AFG2A: variants seen among roughly 807,000 people sequenced by gnomAD.
AFG2A encodes the protein ATPase family gene 2 protein homolog A.
chr4:122,979,934 C>T, the AFG2A span, among the ~76,000 whole-genome samples: 5 of 152,222 alleles, frequency 3.3e-5, no homozygotes, highest in East Asian at 5.8e-4. Flanking sequence ...AACTATATTA[C>T]AATACTAAAA....
the AFG2A span, among the ~76,000 whole-genome samples, chr4:123,151,809 A>G: frequency 3.3e-4 from 50 of 152,214 alleles, no homozygotes; most frequent in African/African-American, 9.9e-4. Context: ...GAATCATTCT[A>G]TAAAGACACA....
At chr4:123,006,702 A>G in the AFG2A span, among the ~76,000 whole-genome samples, 2 of 151,856 alleles carry the variant, frequency 1.3e-5, no homozygotes, top group Non-Finnish European at 2.9e-5. Flanking sequence ...TTTGATTTTT[A>G]TCTTCTTAAA....
the AFG2A span, among the ~76,000 whole-genome samples, chr4:123,194,507 T>C: frequency 6.6e-6 from 1 of 152,340 alleles, no homozygotes; most frequent in East Asian, 1.9e-4. Flanking sequence ...GGGATACTTA[T>C]TAAATTAAGG....
the AFG2A span, among the ~76,000 whole-genome samples, chr4:123,188,172 A>G: frequency 6.6e-6 from 1 of 152,014 alleles, no homozygotes. Flanking sequence ...TTATAATTCT[A>G]TATTTTGTTA....
the AFG2A span, among the ~76,000 whole-genome samples, chr4:123,160,855 A>G: frequency 6.6e-6 from 1 of 152,204 alleles, no homozygotes; most frequent in Non-Finnish European, 1.5e-5. Context: ...ATGACATTTA[A>G]TTTATAAATT....
chr4:123,074,976 CT>C, the AFG2A span, among the ~76,000 whole-genome samples: 2 of 152,106 alleles, frequency 1.3e-5, no homozygotes, highest in East Asian at 1.9e-4. Flanking sequence ...CGGAGTCTTG[CT>C]TTGTCGCCCA....
At chr4:123,228,226 G>T in the AFG2A span, among the ~76,000 whole-genome samples, 1 of 151,976 alleles carries the variant, frequency 6.6e-6, no homozygotes, top group Non-Finnish European at 1.5e-5. Context: ...TACATTTAAG[G>T]TTAATATTGT....
chr4:123,047,702 C>CT, the AFG2A span, among the ~76,000 whole-genome samples: 58,804 of 144,722 alleles, frequency 0.41, 13,625 homozygotes, highest in Non-Finnish European at 0.53. Flanking sequence ...TGTTTAAGTG[C>CT]TTTTTTTTTT....
the AFG2A span, among the ~76,000 whole-genome samples, chr4:123,172,076 C>T: frequency 6.6e-6 from 1 of 152,002 alleles, no homozygotes; most frequent in Non-Finnish European, 1.5e-5. Context: ...GTTTGTAAAG[C>T]AGCATACTTG....
At chr4:123,182,995 T>A in the AFG2A span, among the ~76,000 whole-genome samples, 52 of 152,344 alleles carry the variant, frequency 3.4e-4, 1 homozygote, top group South Asian at 0.01. Flanking sequence ...AATCTAGCTG[T>A]ACATCAGAAT....
At chr4:123,187,475 A>G in the AFG2A span, among the ~76,000 whole-genome samples, 10 of 152,196 alleles carry the variant, frequency 6.6e-5, no homozygotes, top group Non-Finnish European at 1.5e-5. Context: ...TCAAAAGCAC[A>G]TCATTTTTTT....
chr4:123,233,202 ACT>A, the AFG2A span, among the ~76,000 whole-genome samples: 1 of 151,766 alleles, frequency 6.6e-6, no homozygotes, highest in Non-Finnish European at 1.5e-5. Flanking sequence ...AAGTTTTCAA[ACT>A]CTTTTTTAAA....
At chr4:123,042,745 A>G in the AFG2A span, among the ~76,000 whole-genome samples, 2 of 152,148 alleles carry the variant, frequency 1.3e-5, no homozygotes, top group African/African-American at 2.4e-5. Flanking sequence ...AAGCATCTAT[A>G]CTATACATAC....
chr4:123,171,108 C>A, the AFG2A span, among the ~76,000 whole-genome samples: 4 of 152,228 alleles, frequency 2.6e-5, no homozygotes, highest in South Asian at 8.3e-4. Flanking sequence ...AGCTGTGTGA[C>A]CCTAAAAATG....
the AFG2A span, among the ~76,000 whole-genome samples, chr4:123,020,805 A>G: frequency 1.3e-5 from 2 of 152,150 alleles, no homozygotes; most frequent in African/African-American, 4.8e-5. Context: ...TTTCTGTCAT[A>G]CAGAGTGTTG....
At chr4:123,072,935 T>C in the AFG2A span, among the ~76,000 whole-genome samples, 1,844 of 152,244 alleles carry the variant, frequency 0.012, 43 homozygotes, top group African/African-American at 0.041. Flanking sequence ...TTCACATTTT[T>C]TAATTGACAA....
At chr4:123,247,559 A>C in the AFG2A span, among the ~76,000 whole-genome samples, 2 of 149,332 alleles carry the variant, frequency 1.3e-5, no homozygotes, top group Non-Finnish European at 3.0e-5. Context: ...AGGTGTGTGT[A>C]CCACCACACC....
At chr4:123,316,163 G>A in the AFG2A span, 1 of 152,104 alleles carries the variant, frequency 6.6e-6, no homozygotes, top group East Asian at 1.9e-4. Flanking sequence ...AGATTTTCAA[G>A]ACAACACTGG....
At chr4:123,241,271 A>G in the AFG2A span, among the ~76,000 whole-genome samples, 1 of 152,216 alleles carries the variant, frequency 6.6e-6, no homozygotes, top group Non-Finnish European at 1.5e-5. Context: ...AATCCTCCCT[A>G]ACTCATTTTA....
Sources: gnomAD v4.1 joint callset for allele counts (sites outside exome capture counted in the v4.1 genomes callset) on GRCh38, gnomAD v4.1.1 for gene constraint, MANE v1.5 for transcripts, NCBI Gene and HGNC (gene_info 2026-07-23, HGNC 2026-07-21) for gene names.